RYR3: variants seen among roughly 807,000 people sequenced by gnomAD.
RYR3 encodes the protein brain ryanodine receptor-calcium release channel.
A neutral mutation model predicts 584.3 loss-of-function variants in RYR3; 207 were observed. The observed-to-expected ratio is 0.35, with a 90% CI of 0.32 to 0.40. The LOEUF (loss-of-function observed/expected upper bound fraction) is 0.40. Among genes scored for constraint, RYR3 ranks in the 10% least tolerant of loss-of-function variants. The probability of loss-of-function intolerance (pLI) is 1.00; values close to 1 mark genes in which losing one functional copy is unlikely to be tolerated. For synonymous variants in RYR3, 2,416 were observed against 2,248.5 expected, an observed-to-expected ratio of 1.07 and a Z score of -2.11; for missense variants, 5,616 against 6,089.2, an observed-to-expected ratio of 0.92 and a Z score of 2.59.
intron 2 of RYR3, among the ~76,000 whole-genome samples, chr15:33,474,353 G>A (rs75990677): frequency 0.029 from 4,371 of 152,258 alleles, 87 homozygotes; most frequent in Non-Finnish European, 0.044. Context: ...TCTTGCAGTC[G>A]TAGGGGCTAG....
intron 64 of RYR3, among the ~76,000 whole-genome samples, chr15:33,775,448 CAGCCGTGTGTTT>C (rs2073934476): frequency 1.3e-5 from 2 of 152,282 alleles, no homozygotes; most frequent in Admixed American, 1.3e-4. Context: ...CTCCCTAAAT[CAGCCGTGTGTTT>C]AGCCCTAGCA....
intron 98 of RYR3, among the ~76,000 whole-genome samples, chr15:33,857,369 C>T (rs988826718): frequency 6.6e-6 from 1 of 151,868 alleles, no homozygotes; most frequent in Non-Finnish European, 1.5e-5. Flanking sequence ...TCTGTGTCTC[C>T]AACTCCTTTT....
At chr15:33,454,868 G>A (rs776831362) in intron 1 of RYR3, among the ~76,000 whole-genome samples, 14 of 152,146 alleles carry the variant, frequency 9.2e-5, no homozygotes, top group Non-Finnish European at 1.8e-4. Flanking sequence ...ATAGAGAAGA[G>A]GGCAGGAACC....
chr15:33,650,991 A>G (rs1482220575), intron 31 of RYR3, among the ~76,000 whole-genome samples: 11 of 152,244 alleles, frequency 7.2e-5, no homozygotes, highest in Non-Finnish European at 1.3e-4. Flanking sequence ...TTCAGCCAGA[A>G]GAAAAGGCAG....
At chr15:33,425,954 C>T (rs991115436) in intron 1 of RYR3, among the ~76,000 whole-genome samples, 2 of 152,024 alleles carry the variant, frequency 1.3e-5, no homozygotes, top group African/African-American at 4.8e-5. Context: ...TTTTTTTATT[C>T]TTTAAATCTT....
At chr15:33,477,862 G>A (rs1475965107) in intron 2 of RYR3, among the ~76,000 whole-genome samples, 4 of 104,668 alleles carry the variant, frequency 3.8e-5, no homozygotes, top group Non-Finnish European at 6.7e-5. Context: ...GCGACAGAGC[G>A]AGATTCTGTC....
chr15:33,461,066 T>A (rs1027911520), intron 1 of RYR3, among the ~76,000 whole-genome samples: 3 of 148,962 alleles, frequency 2.0e-5, no homozygotes, highest in African/African-American at 7.5e-5. Context: ...TGCCTCAGCC[T>A]CCCGAGTAGC....
At chr15:33,854,195 C>CA (rs35238625) in intron 96 of RYR3, among the ~76,000 whole-genome samples, 194 bp from the exon 97 acceptor site, 114,381 of 138,106 alleles carry the variant, frequency 0.83, 49,577 homozygotes, top group Non-Finnish European at 0.97. Context: ...GACTCCGTTT[C>CA]AAAAAAAAAA....
chr15:33,530,229 C>T (rs1271176008), intron 3 of RYR3, among the ~76,000 whole-genome samples: 2 of 152,190 alleles, frequency 1.3e-5, no homozygotes, highest in Non-Finnish European at 1.5e-5. Context: ...GCTATGGCTA[C>T]ATCACATTTG....
At position 33,788,437 on chromosome 15, in the gene RYR3, T is replaced by C; in HGVS notation, c.9809T>C (p.Ile3270Thr). The C allele has an allele frequency of 6.2e-7, 1 of 1,613,864 alleles. No individual in the cohort carries two copies. Among genetic ancestry groups the C allele is most frequent in the Non-Finnish European group, 8.5e-7 (1 of 1,179,776 alleles). ...CTCTATGCCTTCTACCCCATGCTGATCCGCTACGTGGACAACAACAGGTAC... is the reference window on the plus strand; with the variant it reads ...CTCTATGCCTTCTACCCCATGCTGACCCGCTACGTGGACAACAACAGGTAC... Reference protein sequence around the residue: ...RDLYAFYPMLIRYVDNNRSNW... With the variant: ...RDLYAFYPMLTRYVDNNRSNW... Residue 3270 changes from isoleucine to threonine, a missense_variant, in exon 67 of 104, where the codon ATC becomes ACC. Physicochemically the swap from Ile to Thr is moderately conservative, Grantham distance 89. This residue lies in a region of RYR3 where 954 missense variants were observed against 1,132.2 expected (regional missense o/e 0.84). Coordinates refer to ENST00000634891, the MANE Select transcript of RYR3 (RefSeq NM_001036.6).
At chr15:33,692,225 G>A (rs1024212027) in intron 38 of RYR3, among the ~76,000 whole-genome samples, 4 of 152,104 alleles carry the variant, frequency 2.6e-5, no homozygotes, top group Admixed American at 2.6e-4. Context: ...GCTGATGCAC[G>A]GGAGCTAATT....
At chr15:33,460,814 T>C (rs1264009327) in intron 1 of RYR3, among the ~76,000 whole-genome samples, 2 of 152,024 alleles carry the variant, frequency 1.3e-5, no homozygotes, top group Admixed American at 1.3e-4. Context: ...GCAGGAGTCT[T>C]GGTAAGTTTG....
rs373406620 is a variant in RYR3 at position 33,613,234 on chromosome 15, A to G, written c.2216A>G (p.Asp739Gly). The G allele has an allele frequency of 5.6e-6, 9 of 1,613,788 alleles. No homozygotes were observed. Among genetic ancestry groups the G allele is most frequent in the African/African-American group, 4.0e-5 (3 of 74,914 alleles). Residue 739 changes from aspartate (D) to glycine (G), a missense_variant, in exon 19 of 104, where the codon GAT becomes GGT. By Grantham distance (94) the Asp-to-Gly change is moderately conservative. Coordinates refer to ENST00000634891, the MANE Select transcript of RYR3 (RefSeq NM_001036.6). ...ATCAACCAGCACCTCCTGAGATCGG[A>G]TGACGTGGTAAGCTGCTGCCTGGAC... Reference protein sequence around the residue: ...ASINQHLLRSDDVVSCCLDLG... With the variant: ...ASINQHLLRSGDVVSCCLDLG...
Position 33,848,368 on chromosome 15 carries a change from G to A in RYR3, c.13575G>A (p.Gln4525=). The A allele has an allele frequency of 1.2e-6, 2 of 1,613,746 alleles. No individual in the cohort carries two copies. The highest frequency in any genetic ancestry group is 2.2e-5 in the East Asian group (1 of 44,882). ...LEFDGLYITE[Q]PSEDDIKGQW... is the part of the protein sequence containing the mutation. Reference sequence around the variant, plus strand: ...TTGATGGCCTATATATCACCGAACAGCCATCTGAAGATGACATCAAGGGGC... The same window carrying A: ...TTGATGGCCTATATATCACCGAACAACCATCTGAAGATGACATCAAGGGGC... Residue 4525 remains glutamine, a synonymous_variant, in exon 94 of 104, where the codon CAG becomes CAA. Transcript: ENST00000634891.
chr15:33,747,376 C>CTTTT (rs34350928), intron 53 of RYR3, among the ~76,000 whole-genome samples: 3 of 95,100 alleles, frequency 3.2e-5, no homozygotes, highest in East Asian at 3.2e-4. Flanking sequence ...AAAGAGAAAT[C>CTTTT]TTTTTTTTTT....
intron 1 of RYR3, among the ~76,000 whole-genome samples, chr15:33,378,083 G>C (rs1021658401): frequency 6.6e-6 from 1 of 152,154 alleles, no homozygotes; most frequent in Non-Finnish European, 1.5e-5. Flanking sequence ...TGCCTGGCCT[G>C]CTGTAAGAAT....
At position 33,586,086 on chromosome 15, in the gene RYR3, C is replaced by T. The variant is rs1453797967; in HGVS notation, c.1758C>T (p.Ser586=). 3.1e-6 allele frequency: 5 copies of T among 1,612,488 alleles called. No individual in the cohort carries two copies. Among genetic ancestry groups the T allele is most frequent in the African/African-American group, 1.3e-5 (1 of 74,854 alleles). ...AGGGCCACATCAAGTCGATCATCTC[C>T]CTGTTGGATAAGCACGGGCGGAATC... The part of the protein sequence containing the change: ...IAEGHIKSII[S]LLDKHGRNHK... The change falls in exon 16 of 104, where the codon TCC becomes TCT. Residue 586 remains serine, a synonymous_variant. Coordinates refer to ENST00000634891, the MANE Select transcript of RYR3 (RefSeq NM_001036.6).
Position 33,641,077 on chromosome 15 carries a change from G to A in RYR3, c.3557-3234G>A, listed in dbSNP as rs867176858. Reference sequence around the variant, plus strand: ...CTCTACGGGGCCTGGAGCGTGTTGTGGTTATGGGTCTCCATCTGTCTAATC... The same window carrying A: ...CTCTACGGGGCCTGGAGCGTGTTGTAGTTATGGGTCTCCATCTGTCTAATC... On this transcript the variant is annotated intron_variant, in intron 27 of 103. Transcript: ENST00000634891. 2.6e-5 allele frequency among the ~76,000 whole-genome samples: 4 copies of A among 152,306 alleles called. No individual in the cohort carries two copies. In the South Asian group the frequency reaches 8.3e-4, roughly 32 times the overall value.
intron 1 of RYR3, among the ~76,000 whole-genome samples, chr15:33,398,886 G>C (rs775939407): frequency 6.6e-6 from 1 of 152,178 alleles, no homozygotes; most frequent in African/African-American, 2.4e-5. Flanking sequence ...ACCTGGGTGC[G>C]GGGTGCACCT....
Sources: gnomAD v4.1 joint callset for allele counts (sites outside exome capture counted in the v4.1 genomes callset) on GRCh38, gnomAD v4.1.1 for gene constraint, gnomAD v4.1.1 regional missense constraint, MANE v1.5 for transcripts, NCBI Gene and HGNC (gene_info 2026-07-23, HGNC 2026-07-21) for gene names.